NRL: variants seen among roughly 807,000 people sequenced by gnomAD.
The protein encoded by NRL is neural retina leucine zipper.
Under a neutral mutation model 12.5 loss-of-function variants are expected in NRL, and 16 were observed. The ratio of observed to expected loss-of-function variants is 1.28; its 90% CI spans 0.87 to 1.95. NRL has a LOEUF of 1.95. Ranked by LOEUF, NRL falls within the 30% of genes most tolerant of loss-of-function variation. The pLI, the probability that NRL is intolerant of heterozygous loss-of-function variation, is 0.00. For missense variants in NRL, 314 were observed against 325.8 expected, an observed-to-expected ratio of 0.96 and a Z score of 0.28; for synonymous variants, 142 against 150.9, an observed-to-expected ratio of 0.94 and a Z score of 0.43.
intron 1 of NRL, chr14:24,103,361 G>C (rs1656523128): frequency 8.7e-7 from 1 of 1,143,946 alleles, no homozygotes; most frequent in Admixed American, 2.0e-5. Flanking sequence ...GTCTGATATG[G>C]CCCCACCTCT....
At chr14:24,097,209 A>G (rs1250499837) in intron 1 of NRL, 6 of 1,377,100 alleles carry the variant, frequency 4.4e-6, no homozygotes, top group Non-Finnish European at 6.2e-6. Context: ...GGCAAAATCA[A>G]CTTAACTAGA....
At chr14:24,095,480 C>G (rs550781644) in intron 1 of NRL, 2 of 322,898 alleles carry the variant, frequency 6.2e-6, no homozygotes, top group Admixed American at 3.9e-5. Context: ...CTCAAGCTCC[C>G]GTATCCATGC....
At chr14:24,107,099 G>A (rs1361576048) in intron 1 of NRL, among the ~76,000 whole-genome samples, 1 of 152,114 alleles carries the variant, frequency 6.6e-6, no homozygotes, top group African/African-American at 2.4e-5. Context: ...AGGAACATGA[G>A]CAATGTAAAT....
intron 1 of NRL, among the ~76,000 whole-genome samples, chr14:24,098,036 C>T (rs1182296736): frequency 6.6e-6 from 1 of 151,930 alleles, no homozygotes; most frequent in Non-Finnish European, 1.5e-5. Flanking sequence ...CCTTGGGGAA[C>T]ACCCCTTAGA....
intron 1 of NRL, among the ~76,000 whole-genome samples, chr14:24,090,678 G>A (rs933498801): frequency 3.9e-5 from 6 of 152,204 alleles, no homozygotes; most frequent in African/African-American, 1.4e-4. Flanking sequence ...AGGCCCCAGA[G>A]AGGACAATGC....
rs146549540 is a variant in NRL, at chr14:24,084,167, C to G, written c.-27-1292G>C. ...GAGGCAAAGAGGAAGACCCAGGCCT[C>G]TCTCTTCCTGTTCCAGGGCAGGGTT... On this transcript the variant is annotated intron_variant, in intron 1 of 2. Transcript: ENST00000561028. 2.2e-3 allele frequency among the ~76,000 whole-genome samples: 331 copies of G among 152,358 alleles called. 1 individual carries two copies. Among genetic ancestry groups the G allele is most frequent in the African/African-American group, 7.7e-3 (321 of 41,582 alleles).
In NRL at chr14:24,079,398, A is replaced by G. The variant is rs571600042; in HGVS notation, c.*1838T>C. ...GCCCCATCCTCTCCCTTCAACAATG[A>G]GTGTGGAAGGGGATGAAGAAAGAGA... On this transcript the variant is annotated 3_prime_UTR_variant, in exon 3 of 3. Coordinates refer to ENST00000561028, the MANE Select transcript of NRL (RefSeq NM_001354768.3). Among the ~76,000 whole-genome samples the G allele has an allele frequency of 1.1e-4, 17 of 152,270 alleles. No individual in the cohort carries two copies. Among genetic ancestry groups the G allele is most frequent in the Admixed American group, 7.8e-4 (12 of 15,294 alleles).
chr14:24,105,559 G>A (rs1190768499), intron 1 of NRL, among the ~76,000 whole-genome samples: 1 of 152,254 alleles, frequency 6.6e-6, no homozygotes, highest in Non-Finnish European at 1.5e-5. Context: ...AAGGGTTAAA[G>A]TGATAAAACT....
intron 1 of NRL, chr14:24,103,339 TC>T: frequency 8.0e-7 from 1 of 1,250,430 alleles, no homozygotes; most frequent in Non-Finnish European, 1.2e-6. Context: ...CTTCCTTTTG[TC>T]CACCCCTGGA....
At chr14:24,108,977 A>G (rs559398106) in intron 1 of NRL, among the ~76,000 whole-genome samples, 1 of 152,346 alleles carries the variant, frequency 6.6e-6, no homozygotes, top group Admixed American at 6.5e-5. Flanking sequence ...TTCTCTCCTC[A>G]GCAGCCCAGC....
chr14:24,108,629 G>A (rs937775404), intron 1 of NRL, among the ~76,000 whole-genome samples: 6 of 151,938 alleles, frequency 3.9e-5, no homozygotes, highest in Non-Finnish European at 8.8e-5. Flanking sequence ...ACTACCCCGG[G>A]CCACTAAAGG....
chr14:24,110,347 G>A (rs1025829944), intron 1 of NRL: 9 of 391,944 alleles, frequency 2.3e-5, no homozygotes, highest in Non-Finnish European at 4.2e-5. Flanking sequence ...GTGGTCAAGC[G>A]AGCTGCCCGC....
intron 2 of NRL, chr14:24,082,153 C>A (rs1010502386): frequency 1.3e-6 from 1 of 799,788 alleles, no homozygotes; most frequent in African/African-American, 1.9e-5. Context: ...TCCCTGGTTT[C>A]CACACACCAT....
At chr14:24,088,674 A>C (rs1255112303) in intron 1 of NRL, among the ~76,000 whole-genome samples, 1 of 144,838 alleles carries the variant, frequency 6.9e-6, no homozygotes, top group Non-Finnish European at 1.5e-5. Context: ...TTTTTTTGAG[A>C]TAGCTCTGTC....
intron 1 of NRL, chr14:24,100,120 A>C: frequency 6.2e-7 from 1 of 1,613,332 alleles, no homozygotes; most frequent in Non-Finnish European, 8.5e-7. Context: ...TGTGGCTGAG[A>C]CCAGTGATGG....
intron 2 of NRL, chr14:24,082,127 T>C (rs1241542158): frequency 1.6e-6 from 2 of 1,226,802 alleles, no homozygotes; most frequent in Non-Finnish European, 2.1e-6. Context: ...CCAGCTCCAC[T>C]CCACACATAA....
In NRL at chr14:24,080,654, A is replaced by G. The variant is rs909585258; in HGVS notation, c.*582T>C. Reference sequence around the variant, plus strand: ...CACAGCTCTCTCCCAACCCACACCAACAACCCCCAGAGCTCACTCTTCAGG... The same window carrying G: ...CACAGCTCTCTCCCAACCCACACCAGCAACCCCCAGAGCTCACTCTTCAGG... On this transcript the variant is annotated 3_prime_UTR_variant, in exon 3 of 3. Coordinates refer to ENST00000561028, the MANE Select transcript of NRL (RefSeq NM_001354768.3). 6.6e-6 allele frequency: 1 copy of G among 152,550 alleles called. No individual in the cohort carries two copies. Among genetic ancestry groups the G allele is most frequent in the African/African-American group, 2.4e-5 (1 of 41,400 alleles). 9.4% of individuals were successfully genotyped at this position (152,550 alleles called of 1,614,324 possible).
At position 24,114,770 on chromosome 14, in the gene NRL, G is replaced by C. The variant is rs1260713508; in HGVS notation, c.-76C>G. On this transcript the variant is annotated 5_prime_UTR_variant, in exon 1 of 3. Transcript: ENST00000561028. ...TCCAGTTGGCTGGCCAAGGGGGCGG[G>C]GCCGTCGTGTGACGTTTGCAGCCCG... 1.0e-6 allele frequency: 1 copy of C among 985,826 alleles called. No individual in the cohort carries two copies. Among genetic ancestry groups the C allele is most frequent in the East Asian group, 1.1e-4 (1 of 8,826 alleles). 61.1% of individuals were successfully genotyped at this position (985,826 alleles called of 1,614,324 possible).
In NRL at chr14:24,114,866, C is replaced by T; in HGVS notation, c.-172G>A. ...GAGGAGCGGTTGGCCAACGCAGTGG[C>T]GGCAGTCGGTGTAAACAAGGCCTCG... On this transcript the variant is annotated 5_prime_UTR_variant, in exon 1 of 3. Transcript: ENST00000561028. The T allele has an allele frequency of 1.0e-6, 1 of 985,938 alleles. No homozygotes were observed. The highest frequency in any genetic ancestry group is 1.2e-6 in the Non-Finnish European group (1 of 829,960). 61.1% of individuals were successfully genotyped at this position (985,938 alleles called of 1,614,324 possible).
Sources: allele counts gnomAD v4.1 joint callset (sites outside exome capture counted in the v4.1 genomes callset), GRCh38; gene constraint gnomAD v4.1.1; transcripts MANE v1.5; gene names NCBI Gene and HGNC (gene_info 2026-07-23, HGNC 2026-07-21).